Variants in TUBGCP3 observed in about 807,000 individuals in gnomAD.
TUBGCP3 encodes the protein tubulin gamma complex component 3.
A neutral mutation model predicts 123.1 loss-of-function variants in TUBGCP3; 50 were observed. That is an observed-to-expected ratio of 0.41 (90% CI 0.32 to 0.51). The LOEUF (loss-of-function observed/expected upper bound fraction) is 0.51, where lower values mean the gene tolerates loss of function less well. Ranked by LOEUF, TUBGCP3 falls within the 20% of genes least tolerant of loss-of-function variation. The pLI, the probability that TUBGCP3 is intolerant of heterozygous loss-of-function variation, is 0.36. For missense variants in TUBGCP3, 882 were observed against 1,127.0 expected (o/e 0.78, Z 3.11); for synonymous variants, 405 against 413.9 (o/e 0.98, Z 0.26).
At position 112,515,400 on chromosome 13, in the gene TUBGCP3, G is replaced by C. The variant is rs895239137; in HGVS notation, c.2086+1040C>G. On this transcript the variant is annotated intron_variant, in intron 17 of 21. Transcript: ENST00000261965. ...CCTGGTGGTATTCATAAGAACACAG[G>C]GGGAAGGAGAAGTGCAGGCAAGTAC... 2.0e-5 allele frequency among the ~76,000 whole-genome samples: 3 copies of C among 152,172 alleles called. No homozygotes were observed. The East Asian group carries it at 5.8e-4, about 29-fold the overall frequency.
chr13:112,552,636 C>A (rs554212317), intron 8 of TUBGCP3, among the ~76,000 whole-genome samples: 2 of 152,342 alleles, frequency 1.3e-5, no homozygotes, highest in East Asian at 3.9e-4. Context: ...CAGAAGATAA[C>A]CTGGGCAAGA....
In TUBGCP3 at chr13:112,511,251, C is replaced by A. The variant is rs75835127; in HGVS notation, c.2086+5189G>T. 0.016 allele frequency among the ~76,000 whole-genome samples: 2,420 copies of A among 152,284 alleles called. 71 individuals are homozygous for A. Among genetic ancestry groups the A allele is most frequent in the African/African-American group, 0.054 (2,261 of 41,540 alleles). On this transcript the variant is annotated intron_variant, in intron 17 of 21. Transcript: ENST00000261965. The surrounding 1 kb of genome is among the most constrained non-coding windows in gnomAD (Gnocchi z 4.1). ...CCGCTCAGATGGGCCCCTCACAGGG[C>A]ACTGCTGGCCCGCGGGCACCTGCCT...
At chr13:112,589,897 T>C (rs759557663), upstream of TUBGCP3, among the ~76,000 whole-genome samples, 1 of 152,220 alleles carries the variant, frequency 6.6e-6, no homozygotes, top group Non-Finnish European at 1.5e-5. Context: ...GACGAGAAAA[T>C]TGGGAAACAA....
chr13:112,578,328 G>A (rs1392356104), intron 1 of TUBGCP3, among the ~76,000 whole-genome samples: 1 of 151,762 alleles, frequency 6.6e-6, no homozygotes, highest in Non-Finnish European at 1.5e-5. Context: ...GGGAGGCCGA[G>A]GCGGGCGGAT....
rs1197954068 is a variant in TUBGCP3, at chr13:112,556,208, G to A, written c.565C>T (p.Pro189Ser). 1.2e-6 allele frequency: 2 copies of A among 1,613,842 alleles called. No homozygotes were observed. The highest frequency in any genetic ancestry group is 1.7e-5 in the Admixed American group (1 of 60,012). The change falls in exon 6 of 22, where the codon CCA becomes TCA. Residue 189 changes from proline to serine, a missense_variant. This residue lies in a region of TUBGCP3 where 713 missense variants were observed against 874.0 expected (regional missense o/e 0.82). Coordinates refer to ENST00000261965, the MANE Select transcript of TUBGCP3 (RefSeq NM_006322.6). ...TGTCGAAGGCAATCTCCTACTCCTG[G>A]AGCTTGATTAGACTGTCTAAAAAAA... ...SLLPGQSNQA[P>S]GVGDCLRQQL... is the part of the protein sequence containing the mutation.
chr13:112,598,733 A>T, the TUBGCP3 span, among the ~76,000 whole-genome samples: 1 of 152,108 alleles, frequency 6.6e-6, no homozygotes, highest in Non-Finnish European at 1.5e-5. Flanking sequence ...TCGTGAGGTC[A>T]GGAGATGGAG....
chr13:112,552,679 G>C (rs1879679103), intron 8 of TUBGCP3, among the ~76,000 whole-genome samples: 1 of 152,184 alleles, frequency 6.6e-6, no homozygotes, highest in South Asian at 2.1e-4. Flanking sequence ...GCCCAAACCA[G>C]AACCCTGGGC....
Position 112,511,341 on chromosome 13 carries a change from C to G in TUBGCP3, c.2086+5099G>C, listed in dbSNP as rs1242238362. Among the ~76,000 whole-genome samples the G allele has an allele frequency of 6.6e-6, 1 of 152,196 alleles. No homozygotes were observed. Among genetic ancestry groups the G allele is most frequent in the Non-Finnish European group, 1.5e-5 (1 of 68,034 alleles). On this transcript the variant is annotated intron_variant, in intron 17 of 21. Coordinates refer to ENST00000261965, the MANE Select transcript of TUBGCP3 (RefSeq NM_006322.6). The surrounding 1 kb of genome is among the most constrained non-coding windows in gnomAD (Gnocchi z 4.1). The stretch of plus-strand genomic sequence containing the variant: ...AAAAGTGGCATTTTGGTTCTTCTCT[C>G]AATAATAATTATGTGCTTCATGGAT...
chr13:112,519,878 C>T lies in TUBGCP3; in HGVS notation c.1881+8G>A, dbSNP rs1002504294. The stretch of plus-strand genomic sequence containing the variant: ...GGGCGGCGTTCCCAACACGCAGAGC[C>T]GCAGTACCTCCAGCAGCCGCACGTC... On this transcript the variant is annotated splice_region_variant and intron_variant, in intron 15 of 21. Coordinates refer to ENST00000261965, the MANE Select transcript of TUBGCP3 (RefSeq NM_006322.6). The surrounding 1 kb of genome is among the most constrained non-coding windows in gnomAD (Gnocchi z 6.2). 11 of 1,612,100 alleles carry T rather than the reference C, an allele frequency of 6.8e-6. No individual in the cohort carries two copies. The African/African-American group carries it at 8.0e-5, about 12-fold the overall frequency.
In TUBGCP3 at chr13:112,545,545, C is replaced by T. The variant is rs113304144; in HGVS notation, c.1335+154G>A. 707 of 780,728 alleles carry T rather than the reference C, an allele frequency of 9.1e-4. 2 individuals are homozygous for T. The African/African-American group carries it at 0.011, about 12-fold the overall frequency. 48.4% of individuals were successfully genotyped at this position (780,728 alleles called of 1,614,324 possible). A position where few individuals can be genotyped will look rare whatever the true frequency, so the allele number is the denominator to read the frequency against. ...GCTGTTCAGTGAGATAACCAGCTGT[C>T]GAGGCACTGTGTAAAATGTATATGG... On this transcript the variant is annotated intron_variant, in intron 11 of 21. Transcript: ENST00000261965. This position sits in a 1 kb window ranked among gnomAD's most constrained non-coding sequence, Gnocchi z 4.1.
At chr13:112,565,249 C>T in intron 2 of TUBGCP3, 71 bp from the exon 3 acceptor site, 1 of 1,304,614 alleles carries the variant, frequency 7.7e-7, no homozygotes, top group South Asian at 1.2e-5. Flanking sequence ...TACTATTTCA[C>T]CTACAACACC....
At chr13:112,535,327 CAT>C (rs1877954310) in intron 11 of TUBGCP3, among the ~76,000 whole-genome samples, 1 of 152,196 alleles carries the variant, frequency 6.6e-6, no homozygotes, top group Non-Finnish European at 1.5e-5. Flanking sequence ...TGTTGGGTCA[CAT>C]GGTAAATCCA....
chr13:112,554,901 T>C lies in TUBGCP3; in HGVS notation c.826A>G (p.Lys276Glu), dbSNP rs1879901026. Residue 276 changes from lysine (K) to glutamate (E), a missense_variant, in exon 7 of 22, where the codon AAA becomes GAA. Lys to Glu is a moderately conservative substitution (Grantham distance 56, BLOSUM62 1). Coordinates refer to ENST00000261965, the MANE Select transcript of TUBGCP3 (RefSeq NM_006322.6). ...TGTTACTGTACCTTTCCTTCTACTT[T>C]GTAACAATTTTCAGTGTTGTTCATT... The part of the protein sequence containing the change: ...IKMNNTENCY[K>E]VEGKANLSRS... 1.9e-6 allele frequency: 3 copies of C among 1,603,552 alleles called. No individual in the cohort carries two copies. The highest frequency in any genetic ancestry group is 2.6e-6 in the Non-Finnish European group (3 of 1,175,946).
intron 8 of TUBGCP3, among the ~76,000 whole-genome samples, 200 bp from the exon 9 acceptor site, chr13:112,548,376 G>C (rs1228107943): frequency 2.0e-5 from 3 of 152,106 alleles, no homozygotes; most frequent in East Asian, 1.9e-4. Flanking sequence ...TTGTTCCTTA[G>C]TACAAAAAGC....
intron 3 of TUBGCP3, 28 bp from the exon 4 acceptor site, chr13:112,559,427 G>A (rs752143619): frequency 1.7e-5 from 26 of 1,565,902 alleles, no homozygotes; most frequent in African/African-American, 2.7e-5. Flanking sequence ...AATATTAAAA[G>A]AACGATTTTA....
At position 112,568,339 on chromosome 13, in the gene TUBGCP3, C is replaced by G. The variant is rs139042856; in HGVS notation, c.184+813G>C. On this transcript the variant is annotated intron_variant, in intron 2 of 21. Coordinates refer to ENST00000261965, the MANE Select transcript of TUBGCP3 (RefSeq NM_006322.6). The stretch of plus-strand genomic sequence containing the variant: ...AATGGGTTTCTAGAAGGTGTTACTA[C>G]TGAGACCCAAGGCCAAATGGGCTTC... 5.8e-3 allele frequency among the ~76,000 whole-genome samples: 881 copies of G among 150,882 alleles called. 9 individuals carry two copies. Among genetic ancestry groups the G allele is most frequent in the African/African-American group, 0.02 (826 of 40,882 alleles).
At position 112,554,253 on chromosome 13, in the gene TUBGCP3, A is replaced by G. The variant is rs192790194; in HGVS notation, c.841-71T>C. On this transcript the variant is annotated intron_variant, in intron 7 of 21. Transcript: ENST00000261965. ...AGAGCTTTAATTAGTATTTTTCTCA[A>G]GCACTTCTACTTTTAATACTATAAT... 1.6e-4 allele frequency: 243 copies of G among 1,554,244 alleles called. 4 individuals carry two copies. The African/African-American group carries it at 3.0e-3, about 19-fold the overall frequency.
intron 20 of TUBGCP3, among the ~76,000 whole-genome samples, chr13:112,496,249 C>T (rs1880518756): frequency 1.3e-5 from 2 of 152,062 alleles, no homozygotes; most frequent in South Asian, 2.1e-4. Flanking sequence ...ATATTTATAG[C>T]GTGTGAGAAG....
At chr13:112,530,142 C>T (rs1566554914) in intron 11 of TUBGCP3, among the ~76,000 whole-genome samples, 1 of 152,184 alleles carries the variant, frequency 6.6e-6, no homozygotes, top group Admixed American at 6.5e-5. Context: ...ACTGGCATAA[C>T]ACTAGCACAT....
Sources: gnomAD v4.1 joint callset for allele counts (sites outside exome capture counted in the v4.1 genomes callset) on GRCh38, gnomAD v4.1.1 for gene constraint, gnomAD v4.1.1 regional missense constraint, Gnocchi (gnomAD v3.1) non-coding constraint, MANE v1.5 for transcripts, NCBI Gene and HGNC (gene_info 2026-07-23, HGNC 2026-07-21) for gene names.